The following UCK2 variants were observed in gnomAD, a reference collection of about 807,000 sequenced individuals.
UCK2 encodes cytidine monophosphokinase 2.
Under a neutral mutation model 30.8 loss-of-function variants are expected in UCK2, and 6 were observed. That is an observed-to-expected ratio of 0.19 (90% CI 0.11 to 0.38). The LOEUF is 0.38. UCK2 is among the 10% of genes least tolerant of loss of function. The pLI, the probability that UCK2 is intolerant of heterozygous loss-of-function variation, is 1.00. For synonymous variants in UCK2, 125 were observed against 133.6 expected (o/e 0.94, Z 0.45); for missense variants, 210 against 339.8 (o/e 0.62, Z 3.00).
At chr1:165,893,746 G>A (rs1027447845) in intron 3 of UCK2, among the ~76,000 whole-genome samples, 5 of 152,142 alleles carry the variant, frequency 3.3e-5, no homozygotes, top group African/African-American at 1.2e-4. Context: ...CAATAAATTT[G>A]TTGTTGTTTT....
At chr1:165,905,881 C>G in intron 5 of UCK2, 40 bp from the exon 6 acceptor site, 2 of 1,604,256 alleles carry the variant, frequency 1.2e-6, no homozygotes, top group Non-Finnish European at 1.7e-6. Flanking sequence ...CCAGTTGTCT[C>G]TTAACTGTAT....
intron 1 of UCK2, among the ~76,000 whole-genome samples, chr1:165,832,165 G>T (rs960941795): frequency 6.6e-6 from 1 of 152,130 alleles, no homozygotes; most frequent in Admixed American, 6.5e-5. Flanking sequence ...ATGGCCTTTA[G>T]TCTTTTTAAG....
intron 1 of UCK2, among the ~76,000 whole-genome samples, chr1:165,842,800 T>G (rs1654361379): frequency 6.6e-6 from 1 of 152,222 alleles, no homozygotes; most frequent in African/African-American, 2.4e-5. Flanking sequence ...GCTGTCATCC[T>G]GTTCTCCCAG....
At chr1:165,903,369 T>G in intron 5 of UCK2, 90 bp downstream of exon 5, 1 of 1,072,788 alleles carries the variant, frequency 9.3e-7, no homozygotes, top group Non-Finnish European at 1.4e-6. Flanking sequence ...GGAGCTCCCC[T>G]GCCTGAATCT....
intron 1 of UCK2, among the ~76,000 whole-genome samples, chr1:165,828,693 C>G (rs551657117): frequency 1.1e-3 from 175 of 152,280 alleles, no homozygotes; most frequent in Middle Eastern, 3.4e-3. Flanking sequence ...GTATGGGTGT[C>G]TGACCCTCTT....
chr1:165,876,063 C>T (rs1025509203), intron 1 of UCK2, among the ~76,000 whole-genome samples: 1 of 152,168 alleles, frequency 6.6e-6, no homozygotes, highest in Admixed American at 6.5e-5. Flanking sequence ...GGACCAGGAA[C>T]CTGGTTGAAA....
intron 5 of UCK2, among the ~76,000 whole-genome samples, chr1:165,903,480 C>G (rs1405370103): frequency 6.6e-6 from 1 of 152,162 alleles, no homozygotes; most frequent in Non-Finnish European, 1.5e-5. Context: ...TCCTGCTGTT[C>G]TTTCTTTGGG....
Position 165,891,146 on chromosome 1 carries a change from T to C in UCK2, c.260-80T>C, listed in dbSNP as rs1298488956. 8 of 1,263,822 alleles carry C rather than the reference T, an allele frequency of 6.3e-6. No homozygotes were observed. In the East Asian group the frequency reaches 1.7e-4, roughly 28 times the overall value. The allele number at this position is 1,263,822 out of a possible 1,614,324, so 78.3% of individuals were successfully genotyped here. A position where few individuals can be genotyped will look rare whatever the true frequency, so the allele number is the denominator to read the frequency against. On this transcript the variant is annotated intron_variant, in intron 2 of 6. Coordinates refer to ENST00000367879, the MANE Select transcript of UCK2 (RefSeq NM_012474.5). ...AAGTGTGATGTGCCCATATACATGTTTATGAGGATGCCTTGTGTATGATTA... is the reference window on the plus strand; with the variant it reads ...AAGTGTGATGTGCCCATATACATGTCTATGAGGATGCCTTGTGTATGATTA...
intron 1 of UCK2, among the ~76,000 whole-genome samples, chr1:165,872,990 A>C (rs1372530318): frequency 2.0e-5 from 3 of 152,236 alleles, no homozygotes; most frequent in Non-Finnish European, 1.5e-5. Flanking sequence ...TGCAAAAAGC[A>C]ACTACCTTGA....
chr1:165,833,559 A>T (rs899042322), intron 1 of UCK2, among the ~76,000 whole-genome samples: 2 of 152,022 alleles, frequency 1.3e-5, no homozygotes, highest in Admixed American at 1.3e-4. Context: ...ATGGTTTCTG[A>T]TGCTCACTCT....
intron 1 of UCK2, among the ~76,000 whole-genome samples, chr1:165,869,568 C>T (rs566320960): frequency 1.1e-4 from 16 of 151,422 alleles, no homozygotes; most frequent in South Asian, 2.1e-4. Flanking sequence ...TCCTTTTCCT[C>T]GCATGCTTGC....
At chr1:165,853,980 T>C (rs576804210) in intron 1 of UCK2, among the ~76,000 whole-genome samples, 1 of 152,334 alleles carries the variant, frequency 6.6e-6, no homozygotes, top group Non-Finnish European at 1.5e-5. Flanking sequence ...GTTAACAGTT[T>C]TAGATTCTTG....
In UCK2 at chr1:165,907,725, A is replaced by G; in HGVS notation, c.688A>G (p.Asn230Asp). ...LIVQHIQDIL[N>D]GGPSKRQTNG... ...CGTGCAGCACATCCAGGACATCCTG[A>G]ATGGAGGGCCCTCCAAACGGCAGAC... Residue 230 changes from asparagine (N) to aspartate (D), a missense_variant, in exon 7 of 7, where the codon AAT becomes GAT. Coordinates refer to ENST00000367879, the MANE Select transcript of UCK2 (RefSeq NM_012474.5). 8 of 1,614,172 alleles carry G rather than the reference A, an allele frequency of 5.0e-6. No homozygotes were observed. Among genetic ancestry groups the G allele is most frequent in the Non-Finnish European group, 6.8e-6 (8 of 1,180,040 alleles).
chr1:165,864,066 G>A (rs1274791209), intron 1 of UCK2, among the ~76,000 whole-genome samples: 1 of 131,202 alleles, frequency 7.6e-6, no homozygotes, highest in East Asian at 2.2e-4. Flanking sequence ...TTCTGCCTCA[G>A]CTTTCCAAGT....
At chr1:165,895,611 G>C (rs1442353230) in intron 3 of UCK2, 2 of 985,382 alleles carry the variant, frequency 2.0e-6, no homozygotes, top group African/African-American at 3.5e-5. Flanking sequence ...ACAGACGTCG[G>C]GATTCTGTAC....
chr1:165,836,223 C>T (rs10753693), intron 1 of UCK2, among the ~76,000 whole-genome samples: 85,826 of 148,380 alleles, frequency 0.58, 26,049 homozygotes, highest in East Asian at 0.92. Flanking sequence ...AGCAAGACTC[C>T]GTCTCAAAAC....
At chr1:165,867,583 T>C (rs1284834868) in intron 1 of UCK2, among the ~76,000 whole-genome samples, 1 of 152,258 alleles carries the variant, frequency 6.6e-6, no homozygotes, top group Non-Finnish European at 1.5e-5. Context: ...TTTTCAGCAT[T>C]AGATTCCATC....
At chr1:165,871,684 G>A (rs567304178) in intron 1 of UCK2, among the ~76,000 whole-genome samples, 7 of 152,084 alleles carry the variant, frequency 4.6e-5, no homozygotes, top group Non-Finnish European at 8.8e-5. Context: ...GTGAGCTACC[G>A]AGGAGTAAGG....
rs780143932 is a variant in UCK2, at chr1:165,907,689, A to G, written c.652A>G (p.Ile218Val). 3 of 1,613,488 alleles carry G rather than the reference A, an allele frequency of 1.9e-6. No homozygotes were observed. The highest frequency in any genetic ancestry group is 4.5e-5 in the East Asian group (2 of 44,842). The change falls in exon 7 of 7, where the codon ATC (isoleucine) becomes GTC (valine). Residue 218 changes from isoleucine to valine, a missense_variant. By Grantham distance (29) the Ile-to-Val change is conservative (BLOSUM62 3). Coordinates refer to ENST00000367879, the MANE Select transcript of UCK2 (RefSeq NM_012474.5). Reference sequence around the variant, plus strand: ...TGCTGGTCTCTGCCCCACAGTGGCCATCAACCTCATCGTGCAGCACATCCA... The same window carrying G: ...TGCTGGTCTCTGCCCCACAGTGGCCGTCAACCTCATCGTGCAGCACATCCA... ...IPRGADNLVA[I>V]NLIVQHIQDI... is the part of the protein sequence containing the mutation.
Sources: gnomAD v4.1 joint callset for allele counts (sites outside exome capture counted in the v4.1 genomes callset) on GRCh38, gnomAD v4.1.1 for gene constraint, MANE v1.5 for transcripts, NCBI Gene and HGNC (gene_info 2026-07-23, HGNC 2026-07-21) for gene names.